Variants in PDE1A observed in about 807,000 individuals in gnomAD.
PDE1A encodes the protein dual specificity calcium/calmodulin-dependent 3',5'-cyclic nucleotide phosphodiesterase 1A.
A neutral mutation model predicts 61.7 loss-of-function variants in PDE1A; 35 were observed. The ratio of observed to expected loss-of-function variants is 0.57; its 90% CI spans 0.43 to 0.75. PDE1A has a LOEUF of 0.75. Ranked by LOEUF, PDE1A falls within the 30% of genes least tolerant of loss-of-function variation. The pLI is 0.00. For synonymous variants in PDE1A, 232 were observed against 213.2 expected, an observed-to-expected ratio of 1.09 and a Z score of -0.77; for missense variants, 597 against 630.6, an observed-to-expected ratio of 0.95 and a Z score of 0.57.
rs142307251 is a variant in PDE1A, at chr2:182,385,640, G to GAAGAAAGAAAGAAAGAAAGAAAGAAAGA, written c.53+40937_53+40938insTCTTTCTTTCTTTCTTTCTTTCTTTCTT. The stretch of plus-strand genomic sequence containing the variant: ...GAAACAGAAAGAAAGAAAGAAAGAA[G>GAAGAAAGAAAGAAAGAAAGAAAGAAAGA]AAGAAAGAAAGAAAGAAAGAAGAAA... On this transcript the variant is annotated intron_variant, in intron 1 of 13. Coordinates refer to ENST00000351439, the Ensembl canonical transcript of PDE1A. Among the ~76,000 whole-genome samples, 200 of 70,488 alleles carry GAAGAAAGAAAGAAAGAAAGAAAGAAAGA rather than the reference G, an allele frequency of 2.8e-3. 14 individuals are homozygous for GAAGAAAGAAAGAAAGAAAGAAAGAAAGA. Among genetic ancestry groups the GAAGAAAGAAAGAAAGAAAGAAAGAAAGA allele is most frequent in the Middle Eastern group, 0.014 (2 of 144 alleles). The allele number at this position is 70,488 out of a possible 152,430, so 46.2% of individuals were successfully genotyped here. A position where few individuals can be genotyped will look rare whatever the true frequency, so the allele number is the denominator to read the frequency against.
the PDE1A span, among the ~76,000 whole-genome samples, chr2:182,638,018 G>A: frequency 6.6e-6 from 1 of 152,252 alleles, no homozygotes; most frequent in East Asian, 1.9e-4. Context: ...TAAATGCAAT[G>A]TGAAATCCTG....
chr2:182,208,867 G>T (rs1462402675), intron 7 of PDE1A, among the ~76,000 whole-genome samples: 1 of 152,180 alleles, frequency 6.6e-6, no homozygotes, highest in African/African-American at 2.4e-5. Context: ...TTTACCCAAT[G>T]CCTGTAACCC....
the PDE1A span, among the ~76,000 whole-genome samples, chr2:182,611,752 GAAAA>G: frequency 6.8e-6 from 1 of 146,580 alleles, no homozygotes; most frequent in Non-Finnish European, 1.5e-5. Flanking sequence ...GAAGAAAAAA[GAAAA>G]AAAAAATCAT....
intron 10 of PDE1A, among the ~76,000 whole-genome samples, chr2:182,190,900 G>A (rs1422694491): frequency 6.6e-6 from 1 of 151,882 alleles, no homozygotes; most frequent in Non-Finnish European, 1.5e-5. Flanking sequence ...AGGTTGCAGT[G>A]AGCCGAGATT....
downstream of PDE1A, among the ~76,000 whole-genome samples, chr2:182,144,003 A>C (rs1690363397): frequency 6.6e-6 from 1 of 152,214 alleles, no homozygotes; most frequent in Non-Finnish European, 1.5e-5. Context: ...TAAGTGGGCC[A>C]GTGTGAGTGT....
chr2:182,456,306 C>T (rs1560373), intron 2 of PDE1A, among the ~76,000 whole-genome samples: 152,079 of 152,122 alleles, frequency 1, 76,018 homozygotes, highest in Middle Eastern at 1. Context: ...GGCAGCAATA[C>T]GGATCTTAAC....
the PDE1A span, among the ~76,000 whole-genome samples, chr2:182,620,599 C>T: frequency 6.6e-6 from 1 of 152,128 alleles, no homozygotes; most frequent in African/African-American, 2.4e-5. Context: ...GGCTAGAATG[C>T]TATGAATCCA....
chr2:182,224,885 A>G (rs370534991), intron 6 of PDE1A, among the ~76,000 whole-genome samples: 11 of 152,034 alleles, frequency 7.2e-5, no homozygotes, highest in African/African-American at 2.2e-4. Flanking sequence ...AGCAAGTTCT[A>G]CTAGAGAACA....
At chr2:182,230,586 T>G (rs1689501893) in intron 5 of PDE1A, among the ~76,000 whole-genome samples, 1 of 152,192 alleles carries the variant, frequency 6.6e-6, no homozygotes, top group African/African-American at 2.4e-5. Flanking sequence ...TACAATCTGC[T>G]CAGTAGTCTG....
the PDE1A span, among the ~76,000 whole-genome samples, chr2:182,592,971 G>T: frequency 6.6e-6 from 1 of 152,142 alleles, no homozygotes; most frequent in African/African-American, 2.4e-5. Context: ...GAATGCCAAG[G>T]ATGGTGCCCA....
chr2:182,466,132 T>A (rs1487003496), intron 2 of PDE1A, among the ~76,000 whole-genome samples: 1 of 151,952 alleles, frequency 6.6e-6, no homozygotes, highest in Non-Finnish European at 1.5e-5. Flanking sequence ...TTTAAATGCA[T>A]ACGTTTCTCT....
At chr2:182,337,461 A>T (rs908886433) in intron 1 of PDE1A, among the ~76,000 whole-genome samples, 67 of 152,196 alleles carry the variant, frequency 4.4e-4, no homozygotes, top group Non-Finnish European at 2.9e-5. Flanking sequence ...CAAAGTCATG[A>T]AATTATTAAT....
the PDE1A span, among the ~76,000 whole-genome samples, chr2:182,632,997 G>A: frequency 1.3e-5 from 2 of 152,292 alleles, no homozygotes; most frequent in Admixed American, 1.3e-4. Context: ...AGATTATGCT[G>A]TATCCATTTA....
the PDE1A span, among the ~76,000 whole-genome samples, chr2:182,539,699 T>C: frequency 6.6e-6 from 1 of 152,238 alleles, no homozygotes; most frequent in Non-Finnish European, 1.5e-5. Context: ...ATAGATTATT[T>C]AGTGCCAAGG....
chr2:182,458,952 A>C (rs554561549), intron 2 of PDE1A, among the ~76,000 whole-genome samples: 1 of 152,238 alleles, frequency 6.6e-6, no homozygotes, highest in East Asian at 1.9e-4. Flanking sequence ...TTACTCCTTA[A>C]GCTTATCAAT....
the PDE1A span, among the ~76,000 whole-genome samples, chr2:182,599,157 C>A: frequency 6.6e-6 from 1 of 152,158 alleles, no homozygotes; most frequent in African/African-American, 2.4e-5. Context: ...GGAAGGCCCC[C>A]CCTACCCTCA....
chr2:182,590,714 T>C, the PDE1A span, among the ~76,000 whole-genome samples: 1 of 152,206 alleles, frequency 6.6e-6, no homozygotes, highest in Non-Finnish European at 1.5e-5. Flanking sequence ...CTACCCCAGA[T>C]ATTTTATATG....
chr2:182,463,225 C>G (rs570221184), intron 2 of PDE1A, among the ~76,000 whole-genome samples: 1 of 150,896 alleles, frequency 6.6e-6, no homozygotes, highest in South Asian at 2.1e-4. Flanking sequence ...GGTGACAAAG[C>G]GAGTCTCCAT....
intron 13 of PDE1A, among the ~76,000 whole-genome samples, chr2:182,151,812 A>G (rs551262859): frequency 6.6e-6 from 1 of 152,290 alleles, no homozygotes; most frequent in Non-Finnish European, 1.5e-5. Flanking sequence ...TTAATAGCTT[A>G]TTTTGCACTC....
Sources: gnomAD v4.1 joint callset for allele counts (sites outside exome capture counted in the v4.1 genomes callset) on GRCh38, gnomAD v4.1.1 for gene constraint, MANE v1.5 for transcripts, NCBI Gene and HGNC (gene_info 2026-07-23, HGNC 2026-07-21) for gene names.